Variants in GALNTL6 observed in about 807,000 individuals in gnomAD.
GALNTL6 encodes polypeptide N-acetylgalactosaminyltransferase like 6.
In GALNTL6, 46 loss-of-function variants were observed where a neutral mutation model predicts 73.7. The observed-to-expected ratio is 0.62, with a 90% CI of 0.49 to 0.80. GALNTL6 has a LOEUF of 0.80. Among genes scored for constraint, GALNTL6 ranks in the 30% least tolerant of loss-of-function variants. The probability of loss-of-function intolerance (pLI) is 0.00; values close to 1 mark genes in which losing one functional copy is unlikely to be tolerated. For missense variants in GALNTL6, 604 were observed against 755.0 expected, an observed-to-expected ratio of 0.80 and a Z score of 2.34; for synonymous variants, 259 against 263.7, an observed-to-expected ratio of 0.98 and a Z score of 0.17.
chr4:171,906,287 C>A (rs1026344648), intron 2 of GALNTL6, among the ~76,000 whole-genome samples: 1 of 150,850 alleles, frequency 6.6e-6, no homozygotes, highest in African/African-American at 2.5e-5. Flanking sequence ...ATCAAATAGA[C>A]GCAATAAAAA....
chr4:172,012,887 C>T (rs956444325), intron 2 of GALNTL6, among the ~76,000 whole-genome samples: 4 of 151,978 alleles, frequency 2.6e-5, no homozygotes, highest in Non-Finnish European at 2.9e-5. Flanking sequence ...GTAGCCACTG[C>T]CACAATCATT....
intron 5 of GALNTL6, among the ~76,000 whole-genome samples, chr4:172,795,855 A>G (rs1012595800): frequency 6.6e-6 from 1 of 152,014 alleles, no homozygotes; most frequent in Non-Finnish European, 1.5e-5. Context: ...TATAAATTGT[A>G]TATAATTTAT....
At chr4:172,317,022 A>C (rs72984393) in intron 4 of GALNTL6, among the ~76,000 whole-genome samples, 4,659 of 152,264 alleles carry the variant, frequency 0.031, 224 homozygotes, top group African/African-American at 0.1. Context: ...AGGTGGAGAA[A>C]GGCCAGGTGC....
intron 2 of GALNTL6, among the ~76,000 whole-genome samples, chr4:171,935,281 C>A (rs1190747119): frequency 6.6e-6 from 1 of 152,036 alleles, no homozygotes; most frequent in Non-Finnish European, 1.5e-5. Flanking sequence ...TAAGCTGGCA[C>A]CTAGAGTTGG....
intron 5 of GALNTL6, among the ~76,000 whole-genome samples, chr4:172,552,837 TAAAAAA>T (rs397933315): frequency 3.7e-5 from 3 of 80,410 alleles, no homozygotes; most frequent in Admixed American, 3.5e-4. Flanking sequence ...GTAATTGCAG[TAAAAAA>T]AAAAAAAAAA....
intron 2 of GALNTL6, among the ~76,000 whole-genome samples, chr4:172,182,080 T>C (rs947840020): frequency 5.3e-5 from 8 of 152,136 alleles, no homozygotes; most frequent in Admixed American, 3.3e-4. Context: ...ACAAAATCAA[T>C]GTGCAAAAAT....
chr4:171,974,039 A>T (rs1406297036), intron 2 of GALNTL6, among the ~76,000 whole-genome samples: 8 of 151,932 alleles, frequency 5.3e-5, no homozygotes, highest in Non-Finnish European at 1.5e-5. Flanking sequence ...TTGCTCTGTC[A>T]CCCAGGCTGG....
chr4:172,763,958 A>ATTTT (rs35078752), intron 5 of GALNTL6, among the ~76,000 whole-genome samples: 1,904 of 136,864 alleles, frequency 0.014, 27 homozygotes, highest in East Asian at 0.033. Context: ...AACAAGGTGT[A>ATTTT]TTTTTTTTTT....
At chr4:171,855,354 G>C (rs1438523073) in intron 2 of GALNTL6, among the ~76,000 whole-genome samples, 1 of 152,138 alleles carries the variant, frequency 6.6e-6, no homozygotes, top group Non-Finnish European at 1.5e-5. Context: ...CAAAATGTCA[G>C]ATAGTTGAAA....
At position 172,410,582 on chromosome 4, in the gene GALNTL6, A is replaced by G. The variant is rs538757118; in HGVS notation, c.553+61893A>G. On this transcript the variant is annotated intron_variant, in intron 5 of 12. Coordinates refer to ENST00000506823, the MANE Select transcript of GALNTL6 (RefSeq NM_001034845.3). ...CCTTAATGTCTGGGTGAGTCATGTC[A>G]TCCCTTATGGTCTGCAAAGTTATTC... 3.9e-5 allele frequency among the ~76,000 whole-genome samples: 6 copies of G among 152,086 alleles called. No homozygotes were observed. The East Asian group carries it at 1.2e-3, about 29-fold the overall frequency.
intron 3 of GALNTL6, among the ~76,000 whole-genome samples, chr4:172,243,678 T>C (rs73870046): frequency 6.6e-6 from 1 of 152,294 alleles, no homozygotes; most frequent in African/African-American, 2.4e-5. Flanking sequence ...TTAAAGGATA[T>C]GCATTGAAAC....
chr4:172,088,793 G>A (rs186431634), intron 2 of GALNTL6, among the ~76,000 whole-genome samples: 1 of 152,286 alleles, frequency 6.6e-6, no homozygotes, highest in Non-Finnish European at 1.5e-5. Context: ...GTGCTCGAGA[G>A]AGACAGGTGA....
chr4:171,986,552 G>A (rs1740094635), intron 2 of GALNTL6, among the ~76,000 whole-genome samples: 1 of 152,142 alleles, frequency 6.6e-6, no homozygotes, highest in South Asian at 2.1e-4. Context: ...GTGGTATGGA[G>A]AGATAATGGG....
At chr4:172,469,901 T>A (rs1457077393) in intron 5 of GALNTL6, among the ~76,000 whole-genome samples, 1 of 152,154 alleles carries the variant, frequency 6.6e-6, no homozygotes, top group African/African-American at 2.4e-5. Flanking sequence ...AGGCAGCCAG[T>A]AGTGAACGAG....
intron 5 of GALNTL6, among the ~76,000 whole-genome samples, chr4:172,682,330 T>G (rs1330126930): frequency 6.6e-6 from 1 of 152,202 alleles, no homozygotes; most frequent in East Asian, 1.9e-4. Flanking sequence ...TTGTATCTCA[T>G]TAAATATTTT....
chr4:172,390,149 A>G (rs1034052144), intron 5 of GALNTL6, among the ~76,000 whole-genome samples: 11 of 152,220 alleles, frequency 7.2e-5, no homozygotes, highest in Non-Finnish European at 1.5e-4. Flanking sequence ...AACCCAAAGA[A>G]AATAACATAA....
At chr4:172,058,104 G>C (rs941697189) in intron 2 of GALNTL6, among the ~76,000 whole-genome samples, 1 of 78,280 alleles carries the variant, frequency 1.3e-5, no homozygotes. Flanking sequence ...TGTCACCCAG[G>C]CTGAAGTGGT....
chr4:171,987,422 A>T (rs563039390), intron 2 of GALNTL6, among the ~76,000 whole-genome samples: 1 of 152,312 alleles, frequency 6.6e-6, no homozygotes, highest in Admixed American at 6.5e-5. Flanking sequence ...AGAAGGGAAG[A>T]AATGACTGCG....
chr4:172,735,282 C>G (rs62330819), intron 5 of GALNTL6, among the ~76,000 whole-genome samples: 2 of 152,048 alleles, frequency 1.3e-5, no homozygotes, highest in African/African-American at 4.8e-5. Context: ...CTTGCAGCAG[C>G]GTGACCTGGA....
Sources: gnomAD v4.1 joint callset for allele counts (sites outside exome capture counted in the v4.1 genomes callset) on GRCh38, gnomAD v4.1.1 for gene constraint, MANE v1.5 for transcripts, NCBI Gene and HGNC (gene_info 2026-07-23, HGNC 2026-07-21) for gene names.